RFC3: variants seen among roughly 807,000 people sequenced by gnomAD.
RFC3 encodes the protein replication factor C subunit 3.
RFC3 carries 41 observed loss-of-function variants against 45.1 expected under a neutral mutation model. The observed-to-expected ratio is 0.91, with a 90% confidence interval of 0.71 to 1.18. RFC3 has a LOEUF of 1.18. RFC3 is among the 50% of genes most tolerant of loss of function. The pLI is 0.00. For synonymous variants in RFC3, 149 were observed against 144.0 expected, an observed-to-expected ratio of 1.03 and a Z score of -0.25; for missense variants, 423 against 428.1, an observed-to-expected ratio of 0.99 and a Z score of 0.10.
At chr13:33,893,266 C>T (rs1399150274) in intron 8 of RFC3, among the ~76,000 whole-genome samples, 1 of 152,130 alleles carries the variant, frequency 6.6e-6, no homozygotes, top group Non-Finnish European at 1.5e-5. Context: ...GGAACCCCCT[C>T]TTGGGACAGG....
chr13:33,818,376 C>T lies in RFC3; in HGVS notation c.87+111C>T, dbSNP rs2081968204. 3 of 785,714 alleles carry T rather than the reference C, an allele frequency of 3.8e-6. No homozygotes were observed. In the South Asian group the frequency reaches 5.0e-5, roughly 13 times the overall value. 48.7% of individuals were successfully genotyped at this position (785,714 alleles called of 1,614,324 possible). ...CGCCCGCATTGGAAGGTGATAAGTG[C>T]TATGGAGAAAAATAACACAGGGAAG... On this transcript the variant is annotated intron_variant, in intron 1 of 8. Transcript: ENST00000380071.
downstream of RFC3, among the ~76,000 whole-genome samples, chr13:33,969,404 G>A (rs1363092254): frequency 2.0e-5 from 3 of 152,174 alleles, no homozygotes; most frequent in Admixed American, 1.3e-4. Context: ...TTTGCACCTT[G>A]TTCGTTGCTC....
intron 8 of RFC3, among the ~76,000 whole-genome samples, chr13:33,944,738 G>A (rs1014111541): frequency 6.6e-6 from 1 of 152,052 alleles, no homozygotes; most frequent in African/African-American, 2.4e-5. Context: ...GAATGGAATT[G>A]TATTGCCCCA....
At chr13:33,947,654 G>A (rs1238523251) in intron 8 of RFC3, among the ~76,000 whole-genome samples, 2 of 152,294 alleles carry the variant, frequency 1.3e-5, no homozygotes, top group Middle Eastern at 3.4e-3. Context: ...ATGTGAGAAA[G>A]TTTGGAACTT....
chr13:33,835,994 C>T (rs1157963022), intron 8 of RFC3, 110 bp from the exon 9 acceptor site: 35 of 1,101,340 alleles, frequency 3.2e-5, no homozygotes, highest in African/African-American at 1.6e-5. Flanking sequence ...AAAGATCTCA[C>T]ACATATAAAG....
chr13:33,885,995 T>C (rs2082519100), intron 8 of RFC3, among the ~76,000 whole-genome samples: 1 of 151,944 alleles, frequency 6.6e-6, no homozygotes, highest in African/African-American at 2.4e-5. Context: ...TCTGGGTGAC[T>C]GCCATGGAGG....
At chr13:33,844,316 G>A (rs1939516108) in intron 8 of RFC3, among the ~76,000 whole-genome samples, 1 of 152,112 alleles carries the variant, frequency 6.6e-6, no homozygotes, top group Non-Finnish European at 1.5e-5. Flanking sequence ...CTGCCTTCAG[G>A]CTAAATGCCT....
intron 8 of RFC3, among the ~76,000 whole-genome samples, chr13:33,948,093 A>T (rs1435001596): frequency 1.3e-5 from 2 of 152,314 alleles, no homozygotes; most frequent in South Asian, 2.1e-4. Context: ...AGAGACCTTC[A>T]TGGCAGCCCC....
At chr13:33,970,476 T>C (rs1436727909), downstream of RFC3, among the ~76,000 whole-genome samples, 1 of 152,250 alleles carries the variant, frequency 6.6e-6, no homozygotes, top group Non-Finnish European at 1.5e-5. Flanking sequence ...GACCAAATGG[T>C]GTTTCTGCTT....
intron 8 of RFC3, among the ~76,000 whole-genome samples, chr13:33,941,947 T>C (rs560986477): frequency 6.6e-6 from 1 of 152,286 alleles, no homozygotes; most frequent in African/African-American, 2.4e-5. Flanking sequence ...GTTTTTATCC[T>C]TTAATTTGCA....
intron 8 of RFC3, among the ~76,000 whole-genome samples, chr13:33,888,752 T>C (rs1052486265): frequency 6.6e-6 from 1 of 151,788 alleles, no homozygotes; most frequent in Non-Finnish European, 1.5e-5. Flanking sequence ...AAAATCTTTT[T>C]TTTTTTTTTT....
intron 8 of RFC3, among the ~76,000 whole-genome samples, chr13:33,925,132 G>A (rs1037029750): frequency 4.2e-4 from 59 of 142,152 alleles, no homozygotes; most frequent in African/African-American, 1.2e-3. Flanking sequence ...ATATATACAT[G>A]CATATATAGT....
intron 8 of RFC3, among the ~76,000 whole-genome samples, chr13:33,958,363 AG>A (rs1376456694): frequency 1.3e-5 from 2 of 152,172 alleles, no homozygotes; most frequent in Admixed American, 1.3e-4. Context: ...ATGCCCCAGG[AG>A]CAGTGAGGAG....
the RFC3 span, among the ~76,000 whole-genome samples, chr13:33,975,337 G>C: frequency 6.6e-6 from 1 of 152,182 alleles, no homozygotes; most frequent in Non-Finnish European, 1.5e-5. Context: ...GGAAGAGGCA[G>C]AACTATGGAG....
rs76420267 is a variant in RFC3, at chr13:33,896,763, G to A, written c.879+61546G>A. On this transcript the variant is annotated intron_variant, in intron 8 of 8. Transcript: ENST00000434425. ...AAAAAAGCAAGTAACATATAAAGAGGCTCTATCCTCTTTTTGTCTAGCAAC... is the reference window on the plus strand; with the variant it reads ...AAAAAAGCAAGTAACATATAAAGAGACTCTATCCTCTTTTTGTCTAGCAAC... Among the ~76,000 whole-genome samples the A allele has an allele frequency of 1.8e-4, 25 of 138,732 alleles. No homozygotes were observed. The East Asian group carries it at 3.9e-3, about 22-fold the overall frequency. The allele number at this position is 138,732 out of a possible 152,430, so 91.0% of individuals were successfully genotyped here.
downstream of RFC3, among the ~76,000 whole-genome samples, chr13:33,840,157 G>A (rs1593627278): frequency 2.0e-5 from 3 of 152,058 alleles, no homozygotes; most frequent in South Asian, 2.1e-4. Flanking sequence ...ATGGGCTTTT[G>A]TATTTTATTA....
chr13:33,861,752 A>G (rs988633051), intron 8 of RFC3, among the ~76,000 whole-genome samples: 75 of 152,268 alleles, frequency 4.9e-4, no homozygotes, highest in African/African-American at 1.8e-3. Flanking sequence ...GAGAACACGC[A>G]CACCTCTACT....
chr13:33,869,456 C>T (rs1442234545), intron 8 of RFC3, among the ~76,000 whole-genome samples: 1 of 150,632 alleles, frequency 6.6e-6, no homozygotes, highest in East Asian at 1.9e-4. Context: ...CTTTTTTTCA[C>T]AGAAGAAACT....
chr13:33,952,676 C>T (rs932944633), intron 8 of RFC3, among the ~76,000 whole-genome samples: 5 of 152,238 alleles, frequency 3.3e-5, no homozygotes, highest in East Asian at 1.9e-4. Flanking sequence ...ATGTTTTGGT[C>T]CTAGTTGAAA....
Sources: allele counts gnomAD v4.1 joint callset (sites outside exome capture counted in the v4.1 genomes callset), GRCh38; gene constraint gnomAD v4.1.1; transcripts MANE v1.5; gene names NCBI Gene and HGNC (gene_info 2026-07-23, HGNC 2026-07-21).